MAF: variants seen among roughly 807,000 people sequenced by gnomAD.
The protein encoded by MAF is MAF bZIP transcription factor, also known as transcription factor Maf.
Under a neutral mutation model 22.0 loss-of-function variants are expected in MAF, and 10 were observed. That is an observed-to-expected ratio of 0.45 (90% confidence interval 0.28 to 0.77). The LOEUF is 0.77. Among genes scored for constraint, MAF ranks in the 30% least tolerant of loss-of-function variants. The pLI is 0.12. For missense variants in MAF, 544 were observed against 548.4 expected (o/e 0.99, Z 0.08); for synonymous variants, 337 against 255.8 (o/e 1.32, Z -3.03).
At chr16:79,310,329 A>G in the MAF span, among the ~76,000 whole-genome samples, 1 of 152,152 alleles carries the variant, frequency 6.6e-6, no homozygotes, top group South Asian at 2.1e-4. Flanking sequence ...AGGACTCCAT[A>G]GGATGCCTTT....
At chr16:79,381,319 T>C in the MAF span, among the ~76,000 whole-genome samples, 2 of 152,180 alleles carry the variant, frequency 1.3e-5, no homozygotes, top group African/African-American at 4.8e-5. Context: ...TAAACAACCA[T>C]AGGTCAGAGA....
At chr16:79,267,290 C>T in the MAF span, among the ~76,000 whole-genome samples, 1,416 of 152,300 alleles carry the variant, frequency 9.3e-3, 12 homozygotes, top group Non-Finnish European at 0.016. Flanking sequence ...GAGGGTCCAG[C>T]TAGCACTTGC....
chr16:79,292,403 G>C, the MAF span, among the ~76,000 whole-genome samples: 1 of 152,152 alleles, frequency 6.6e-6, no homozygotes, highest in Non-Finnish European at 1.5e-5. Context: ...TCTTTTCCGA[G>C]AGCCTGAAGA....
the MAF span, among the ~76,000 whole-genome samples, chr16:79,324,170 A>G: frequency 2.6e-5 from 4 of 152,246 alleles, no homozygotes; most frequent in Admixed American, 1.3e-4. Flanking sequence ...TCCCATCTGT[A>G]AAATGTGGGC....
At chr16:79,462,935 T>C in the MAF span, among the ~76,000 whole-genome samples, 5 of 152,130 alleles carry the variant, frequency 3.3e-5, no homozygotes, top group African/African-American at 1.2e-4. Context: ...CATTATGAAG[T>C]TACATAAATC....
chr16:79,481,541 C>A, the MAF span, among the ~76,000 whole-genome samples: 1 of 152,050 alleles, frequency 6.6e-6, no homozygotes, highest in South Asian at 2.1e-4. Context: ...ATTCATCCAC[C>A]CATTGACTAC....
chr16:79,508,105 C>T, the MAF span, among the ~76,000 whole-genome samples: 5 of 152,090 alleles, frequency 3.3e-5, no homozygotes, highest in South Asian at 2.1e-4. Flanking sequence ...AGGAAGAAGG[C>T]GCAGCATGGG....
In MAF at chr16:79,594,285, G is replaced by A. The variant is rs1156630928; in HGVS notation, c.*175C>T. 1.5e-5 allele frequency: 10 copies of A among 659,084 alleles called. No individual in the cohort carries two copies. Among genetic ancestry groups the A allele is most frequent in the Middle Eastern group, 4.1e-4 (1 of 2,432 alleles). The allele number at this position is 659,084 out of a possible 1,614,324, so 40.8% of individuals were successfully genotyped here. ...AGTGCGCTTTCCTACCGGTCTCTAT[G>A]AAACCCCCAGACAAGAGGCATAGTT... On this transcript the variant is annotated 3_prime_UTR_variant, in exon 2 of 2. Coordinates refer to ENST00000326043, the MANE Select transcript of MAF (RefSeq NM_005360.5).
the MAF span, among the ~76,000 whole-genome samples, chr16:79,407,648 C>T: frequency 6.6e-6 from 1 of 152,118 alleles, no homozygotes; most frequent in East Asian, 1.9e-4. Context: ...ATCTCAGAAG[C>T]ACATCATATC....
the MAF span, among the ~76,000 whole-genome samples, chr16:79,502,767 G>T: frequency 9.0e-6 from 1 of 110,762 alleles, no homozygotes; most frequent in Non-Finnish European, 1.8e-5. Context: ...AGACTCATTA[G>T]CTCAATGAGG....
the MAF span, among the ~76,000 whole-genome samples, chr16:79,272,511 C>G: frequency 1.3e-5 from 2 of 152,224 alleles, no homozygotes; most frequent in Non-Finnish European, 2.9e-5. Context: ...TTGCTCAGAA[C>G]TAGACCACAG....
the MAF span, among the ~76,000 whole-genome samples, chr16:79,549,880 AG>A: frequency 1.3e-5 from 2 of 152,230 alleles, no homozygotes; most frequent in Non-Finnish European, 2.9e-5. Flanking sequence ...GAAGTCAAAA[AG>A]GATGCCTAAA....
the MAF span, among the ~76,000 whole-genome samples, chr16:79,541,898 C>T: frequency 6.6e-6 from 1 of 152,048 alleles, no homozygotes; most frequent in Non-Finnish European, 1.5e-5. Context: ...TCAAGCGATC[C>T]ACCATCCTCA....
At chr16:79,275,066 G>T in the MAF span, among the ~76,000 whole-genome samples, 1 of 152,198 alleles carries the variant, frequency 6.6e-6, no homozygotes, top group African/African-American at 2.4e-5. Flanking sequence ...TCTAAAAAGA[G>T]TAATAGAGGC....
At chr16:79,217,714 G>A in the MAF span, among the ~76,000 whole-genome samples, 1 of 152,012 alleles carries the variant, frequency 6.6e-6, no homozygotes, top group African/African-American at 2.4e-5. Context: ...CAACTCCAAA[G>A]GTGGCCAGTT....
chr16:79,268,628 C>G, the MAF span, among the ~76,000 whole-genome samples: 2 of 152,144 alleles, frequency 1.3e-5, no homozygotes, highest in Non-Finnish European at 2.9e-5. Flanking sequence ...AATGGCATTT[C>G]TCAGCTAAAT....
chr16:79,563,304 C>A, the MAF span, among the ~76,000 whole-genome samples: 1 of 152,156 alleles, frequency 6.6e-6, no homozygotes, highest in Admixed American at 6.5e-5. Flanking sequence ...GCAATGTGGC[C>A]AGTGTGTCTC....
the MAF span, among the ~76,000 whole-genome samples, chr16:79,237,434 G>A: frequency 2.0e-5 from 3 of 152,148 alleles, no homozygotes; most frequent in Admixed American, 6.6e-5. Flanking sequence ...GCTGTAATTG[G>A]CTAATAAGCA....
chr16:79,312,565 A>T, the MAF span, among the ~76,000 whole-genome samples: 1 of 152,234 alleles, frequency 6.6e-6, no homozygotes, highest in African/African-American at 2.4e-5. Context: ...GAGCCAGAGC[A>T]GAGAGACAGA....
Sources: gnomAD v4.1 joint callset for allele counts (sites outside exome capture counted in the v4.1 genomes callset) on GRCh38, gnomAD v4.1.1 for gene constraint, MANE v1.5 for transcripts, NCBI Gene and HGNC (gene_info 2026-07-23, HGNC 2026-07-21) for gene names.